Variants in TENM4 observed in about 807,000 individuals in gnomAD.
TENM4 encodes teneurin transmembrane protein 4.
In TENM4, 82 loss-of-function variants were observed where a neutral mutation model predicts 243.3. That is an observed-to-expected ratio of 0.34 (90% CI 0.28 to 0.40). TENM4 has a LOEUF of 0.40. TENM4 is among the 10% of genes least tolerant of loss of function. The pLI, the probability that TENM4 is intolerant of heterozygous loss-of-function variation, is 1.00. For missense variants in TENM4, 3,138 were observed against 3,673.3 expected (o/e 0.85, Z 3.77); for synonymous variants, 1,412 against 1,456.3 (o/e 0.97, Z 0.69).
chr11:79,079,959 A>G (rs1316043994), intron 4 of TENM4, among the ~76,000 whole-genome samples: 1 of 150,332 alleles, frequency 6.7e-6, no homozygotes, highest in Non-Finnish European at 1.5e-5. Flanking sequence ...TGGTCACACC[A>G]GCTCCAGAGC....
intron 1 of TENM4, among the ~76,000 whole-genome samples, chr11:79,346,780 G>T (rs1565309284): frequency 6.6e-6 from 1 of 152,042 alleles, no homozygotes; most frequent in Non-Finnish European, 1.5e-5. Context: ...CTGTAAAATG[G>T]GCATAAACCA....
At chr11:79,054,181 A>AATGACCATTT (rs1266510835) in intron 6 of TENM4, among the ~76,000 whole-genome samples, 1 of 152,088 alleles carries the variant, frequency 6.6e-6, no homozygotes, top group East Asian at 1.9e-4. Flanking sequence ...TAATCATCCC[A>AATGACCATTT]ATGACCATTT....
intron 2 of TENM4, among the ~76,000 whole-genome samples, chr11:79,225,068 G>A (rs780886050): frequency 6.6e-6 from 1 of 152,146 alleles, no homozygotes; most frequent in Non-Finnish European, 1.5e-5. Flanking sequence ...AGAAAGAAAA[G>A]TCCAGGACAG....
rs1856902831 is a variant in TENM4, at chr11:78,941,854, A to G, written c.494-38331T>C. On this transcript the variant is annotated intron_variant, in intron 6 of 33. Transcript: ENST00000278550. Reference sequence around the variant, plus strand: ...TCAGATTTCTCTTTTGTAAGATTCAACATTTTCTGAGCACCTACTGTGTGC... The same window carrying G: ...TCAGATTTCTCTTTTGTAAGATTCAGCATTTTCTGAGCACCTACTGTGTGC... Among the ~76,000 whole-genome samples, 4 of 152,250 alleles carry G rather than the reference A, an allele frequency of 2.6e-5. No individual in the cohort carries two copies. In the South Asian group the frequency reaches 8.3e-4, roughly 32 times the overall value.
intron 6 of TENM4, among the ~76,000 whole-genome samples, chr11:79,008,200 T>C (rs1377537033): frequency 6.6e-6 from 1 of 152,172 alleles, no homozygotes; most frequent in East Asian, 1.9e-4. Context: ...GCTGGTTTTA[T>C]GGAAAGCAAT....
At chr11:79,304,768 T>C (rs1318250787) in intron 1 of TENM4, among the ~76,000 whole-genome samples, 1 of 152,222 alleles carries the variant, frequency 6.6e-6, no homozygotes, top group East Asian at 1.9e-4. Context: ...TATCCTCCTC[T>C]GGGTGCTCTC....
At chr11:79,122,066 C>G (rs1249164079) in intron 4 of TENM4, among the ~76,000 whole-genome samples, 1 of 152,114 alleles carries the variant, frequency 6.6e-6, no homozygotes, top group African/African-American at 2.4e-5. Context: ...AACAGAGATT[C>G]AGGATTGCTG....
intron 1 of TENM4, among the ~76,000 whole-genome samples, chr11:79,430,214 A>C (rs893735892): frequency 6.6e-6 from 1 of 152,194 alleles, no homozygotes; most frequent in African/African-American, 2.4e-5. Flanking sequence ...AAAAAGAAAA[A>C]AAAAAGGAAT....
At chr11:79,353,756 G>GAA (rs10643530) in intron 1 of TENM4, among the ~76,000 whole-genome samples, 41,393 of 142,660 alleles carry the variant, frequency 0.29, 5,977 homozygotes, top group Non-Finnish European at 0.32. Context: ...GAAAAAGGAG[G>GAA]AAAAAAAAAA....
intron 4 of TENM4, among the ~76,000 whole-genome samples, chr11:79,071,057 C>T (rs1457638856): frequency 2.0e-5 from 3 of 152,128 alleles, no homozygotes; most frequent in Non-Finnish European, 4.4e-5. Flanking sequence ...TCCTCTTTTC[C>T]CCATCTTGAC....
chr11:78,863,568 G>C (rs1858879815), intron 9 of TENM4, among the ~76,000 whole-genome samples: 1 of 152,170 alleles, frequency 6.6e-6, no homozygotes, highest in Non-Finnish European at 1.5e-5. Context: ...AATACAAATA[G>C]CCCATAATCA....
intron 6 of TENM4, among the ~76,000 whole-genome samples, chr11:78,929,140 C>T (rs895262160): frequency 1.3e-5 from 2 of 152,146 alleles, no homozygotes; most frequent in Non-Finnish European, 2.9e-5. Context: ...ACCCTTTGGC[C>T]CCATTTGCCT....
intron 2 of TENM4, among the ~76,000 whole-genome samples, chr11:79,294,844 TGTCTCAAAAAAAAAAGA>T (rs1856422195): frequency 6.6e-6 from 1 of 151,828 alleles, no homozygotes; most frequent in Admixed American, 6.6e-5. Flanking sequence ...AGTGAAACTC[TGTCTCAAAAAAAAAAGA>T]AGCTAAGTCA....
chr11:78,712,751 T>A (rs1186863650), intron 25 of TENM4, 37 bp from the exon 26 acceptor site: 1 of 1,589,660 alleles, frequency 6.3e-7, no homozygotes, highest in Admixed American at 1.7e-5. Context: ...GTGAGCATTT[T>A]CTTCTTCCTA....
At chr11:78,992,666 G>C (rs1394218244) in intron 6 of TENM4, among the ~76,000 whole-genome samples, 4 of 152,230 alleles carry the variant, frequency 2.6e-5, no homozygotes, top group African/African-American at 9.6e-5. Context: ...AGAAAGCGTA[G>C]AGCCATGGGA....
In TENM4 at chr11:78,658,394, G is replaced by C. The variant is rs756271896; in HGVS notation, c.7974C>G (p.Gly2658=). The part of the protein sequence containing the change: ...TVSQINTVLN[G]RTRRYTDIQL... ...GGATGTCTGTGTAGCGTCTAGTCCT[G>C]CCATTAAGTACTGTGTTGATCTGGG... is the stretch of plus-strand genomic sequence containing the variant. The change falls in exon 34 of 34, where the codon GGC becomes GGG. Residue 2658 remains glycine, a synonymous_variant. Transcript: ENST00000278550. The C allele has an allele frequency of 6.2e-7, 1 of 1,613,932 alleles. No homozygotes were observed. Among genetic ancestry groups the C allele is most frequent in the Non-Finnish European group, 8.5e-7 (1 of 1,179,908 alleles).
chr11:79,383,159 C>T (rs1057406604), intron 1 of TENM4, among the ~76,000 whole-genome samples: 4 of 152,272 alleles, frequency 2.6e-5, no homozygotes, highest in African/African-American at 9.6e-5. Context: ...TGGCTTTGGC[C>T]AACAGAAAGC....
At chr11:79,153,308 G>T (rs955789717) in intron 3 of TENM4, among the ~76,000 whole-genome samples, 1 of 152,228 alleles carries the variant, frequency 6.6e-6, no homozygotes, top group African/African-American at 2.4e-5. Context: ...GATTCTTCTT[G>T]TGTGAATACA....
intron 1 of TENM4, among the ~76,000 whole-genome samples, chr11:79,337,225 A>T (rs998488752): frequency 3.3e-5 from 5 of 152,242 alleles, no homozygotes; most frequent in African/African-American, 1.2e-4. Flanking sequence ...GGCCTGCCAG[A>T]GGCTTTTTAG....
Sources: allele counts gnomAD v4.1 joint callset (sites outside exome capture counted in the v4.1 genomes callset), GRCh38; gene constraint gnomAD v4.1.1; transcripts MANE v1.5; gene names NCBI Gene and HGNC (gene_info 2026-07-23, HGNC 2026-07-21).